The following PDE10A variants were observed in gnomAD, a reference collection of about 807,000 sequenced individuals.
The protein encoded by PDE10A is phosphodiesterase 10A, also known as cAMP and cAMP-inhibited cGMP 3',5'-cyclic phosphodiesterase 10A.
A neutral mutation model predicts 97.7 loss-of-function variants in PDE10A; 39 were observed. That is an observed-to-expected ratio of 0.40 (90% CI 0.31 to 0.52). The LOEUF (loss-of-function observed/expected upper bound fraction) is 0.52. PDE10A is among the 20% of genes least tolerant of loss of function. The pLI is 0.56. For missense variants in PDE10A, 731 were observed against 1,047.8 expected (o/e 0.70, Z 4.17); for synonymous variants, 371 against 376.8 (o/e 0.98, Z 0.18).
chr6:165,653,424 T>G, intron 1 of PDE10A, among the ~76,000 whole-genome samples: 1 of 152,178 alleles, frequency 6.6e-6, no homozygotes, highest in East Asian at 1.9e-4. Context: ...TCCAGGGCAC[T>G]GGTGGCAACC....
intron 16 of PDE10A, among the ~76,000 whole-genome samples, chr6:165,390,766 G>A (rs1017068527): frequency 2.0e-5 from 3 of 152,156 alleles, no homozygotes; most frequent in African/African-American, 4.8e-5. Context: ...CATTTTTAGC[G>A]ATATGCCTGC....
intron 2 of PDE10A, among the ~76,000 whole-genome samples, chr6:165,531,902 G>C (rs1244455973): frequency 6.6e-6 from 1 of 152,082 alleles, no homozygotes; most frequent in Non-Finnish European, 1.5e-5. Flanking sequence ...CCATCTTCTT[G>C]CATTCTTAAA....
intron 18 of PDE10A, among the ~76,000 whole-genome samples, chr6:165,362,461 T>A (rs1218893656): frequency 6.6e-6 from 1 of 152,162 alleles, no homozygotes; most frequent in Non-Finnish European, 1.5e-5. Flanking sequence ...ACAAGTTAGT[T>A]GAAAATGGAC....
intron 1 of PDE10A, among the ~76,000 whole-genome samples, chr6:165,601,205 G>C (rs1162172320): frequency 6.6e-6 from 1 of 152,116 alleles, no homozygotes; most frequent in Non-Finnish European, 1.5e-5. Context: ...TGTAAGAAGT[G>C]TCTTTCACCT....
Position 165,377,955 on chromosome 6 carries a change from G to A in PDE10A, c.2783+1239C>T, listed in dbSNP as rs956848552. Among the ~76,000 whole-genome samples the A allele has an allele frequency of 2.0e-5, 3 of 152,230 alleles. No homozygotes were observed. The East Asian group carries it at 5.8e-4, about 29-fold the overall frequency. ...TGGCAATGTCCTCAGACTGCCATGT[G>A]TGAAAATAAGATATCTTTGTATTGT... On this transcript the variant is annotated intron_variant, in intron 18 of 21. Coordinates refer to ENST00000539869, the MANE Select transcript of PDE10A (RefSeq NM_001385079.1).
At chr6:165,944,146 T>C (rs1216528114) in intron 1 of PDE10A, among the ~76,000 whole-genome samples, 1 of 152,202 alleles carries the variant, frequency 6.6e-6, no homozygotes, top group African/African-American at 2.4e-5. Flanking sequence ...AAATCCCTTC[T>C]TAAAACCATC....
At chr6:165,862,154 A>C (rs945341527) in intron 1 of PDE10A, among the ~76,000 whole-genome samples, 3 of 152,216 alleles carry the variant, frequency 2.0e-5, no homozygotes, top group Non-Finnish European at 2.9e-5. Context: ...TAACCAAGTA[A>C]TATCTTTCAG....
At chr6:165,919,812 A>G (rs1782706758) in intron 1 of PDE10A, among the ~76,000 whole-genome samples, 2 of 146,196 alleles carry the variant, frequency 1.4e-5, no homozygotes, top group Non-Finnish European at 3.0e-5. Flanking sequence ...TCTGAACTTT[A>G]TTGTGCACAT....
chr6:165,545,308 C>A, intron 1 of PDE10A: 1 of 432,162 alleles, frequency 2.3e-6, no homozygotes, highest in Non-Finnish European at 4.4e-6. Flanking sequence ...TTTCCCATCA[C>A]CTCAAGCTCC....
At chr6:165,403,741 G>T (rs1786871857) in intron 13 of PDE10A, among the ~76,000 whole-genome samples, 1 of 152,156 alleles carries the variant, frequency 6.6e-6, no homozygotes, top group South Asian at 2.1e-4. Context: ...GGGGAACACT[G>T]AATAAGAGAC....
intron 1 of PDE10A, among the ~76,000 whole-genome samples, chr6:165,951,475 T>G (rs140469552): frequency 3.3e-5 from 5 of 152,230 alleles, no homozygotes; most frequent in African/African-American, 1.2e-4. Context: ...CCACAGCTCC[T>G]TGGTTGATTT....
chr6:165,710,205 G>A (rs566770845), intron 1 of PDE10A, among the ~76,000 whole-genome samples: 2 of 152,250 alleles, frequency 1.3e-5, no homozygotes, highest in Admixed American at 6.5e-5. Context: ...AAGCTACAGC[G>A]AATGTTTGCT....
chr6:165,556,885 A>T (rs532454730), intron 1 of PDE10A, among the ~76,000 whole-genome samples: 1 of 152,304 alleles, frequency 6.6e-6, no homozygotes, highest in African/African-American at 2.4e-5. Context: ...CATGCCTGTT[A>T]TCTCAGCACT....
chr6:165,614,249 G>C (rs1388037035), intron 1 of PDE10A, among the ~76,000 whole-genome samples: 1 of 152,132 alleles, frequency 6.6e-6, no homozygotes, highest in Non-Finnish European at 1.5e-5. Flanking sequence ...CAAATTTAAT[G>C]TTATTCCCCA....
At position 165,661,647 on chromosome 6, in the gene PDE10A, GAGA is replaced by G. The variant is rs1790269847; in HGVS notation, c.865+297_865+299del. On this transcript the variant is annotated intron_variant, in intron 1 of 21. Transcript: ENST00000539869. The surrounding 1 kb of genome is among the most constrained non-coding windows in gnomAD (Gnocchi z 4.8). Reference sequence around the variant, plus strand: ...GTGGCCAGAAACGGCACGAGGGGCGGAGAAGGAGGCGGCAGGTCCCGCTCGCAA... The same window carrying G: ...GTGGCCAGAAACGGCACGAGGGGCGGAGGAGGCGGCAGGTCCCGCTCGCAA... The G allele has an allele frequency of 7.8e-6, 3 of 383,864 alleles. No homozygotes were observed. Among genetic ancestry groups the G allele is most frequent in the East Asian group, 4.7e-5 (1 of 21,418 alleles). The allele number at this position is 383,864 out of a possible 1,614,324, so 23.8% of individuals were successfully genotyped here.
intron 1 of PDE10A, among the ~76,000 whole-genome samples, chr6:165,626,631 T>G (rs963295210): frequency 2.4e-4 from 37 of 152,330 alleles, no homozygotes; most frequent in East Asian, 5.8e-4. Context: ...ATTAATGTGT[T>G]AGGAAAGAAG....
intron 1 of PDE10A, among the ~76,000 whole-genome samples, chr6:165,708,432 T>C (rs551602815): frequency 6.6e-6 from 1 of 152,120 alleles, no homozygotes; most frequent in East Asian, 1.9e-4. Flanking sequence ...CTTCATCTCC[T>C]GTCAGTGCCC....
Position 165,862,067 on chromosome 6 carries a change from C to T in PDE10A, c.-615+125462G>A, listed in dbSNP as rs141971366. On this transcript the variant is annotated intron_variant, in intron 1 of 19. Transcript: ENST00000366882. ...AGCAGCCACTGTGGTGGGGCCAGGA[C>T]GCCTGCGCTCCCCTACTACACCCAT... 2.5e-4 allele frequency among the ~76,000 whole-genome samples: 38 copies of T among 152,248 alleles called. 1 individual carries two copies. Among genetic ancestry groups the T allele is most frequent in the East Asian group, 7.7e-4 (4 of 5,170 alleles).
intron 1 of PDE10A, among the ~76,000 whole-genome samples, chr6:165,915,452 G>A (rs569207042): frequency 3.1e-4 from 47 of 152,340 alleles, no homozygotes; most frequent in African/African-American, 1.1e-3. Flanking sequence ...TGCGGAGGGA[G>A]TGGCTGTTAC....
Sources: gnomAD v4.1 joint callset for allele counts (sites outside exome capture counted in the v4.1 genomes callset) on GRCh38, gnomAD v4.1.1 for gene constraint, Gnocchi (gnomAD v3.1) non-coding constraint, MANE v1.5 for transcripts, NCBI Gene and HGNC (gene_info 2026-07-23, HGNC 2026-07-21) for gene names.